BOC: variants seen among roughly 807,000 people sequenced by gnomAD.
BOC encodes the protein brother of CDO.
Under a neutral mutation model 112.0 loss-of-function variants are expected in BOC, and 76 were observed. The ratio of observed to expected loss-of-function variants is 0.68; its 90% CI spans 0.56 to 0.82. The LOEUF (loss-of-function observed/expected upper bound fraction) is 0.82. Among genes scored for constraint, BOC ranks in the 40% least tolerant of loss-of-function variants. BOC has a pLI of 0.00. For synonymous variants in BOC, 580 were observed against 599.8 expected, an observed-to-expected ratio of 0.97 and a Z score of 0.48; for missense variants, 1,309 against 1,511.7, an observed-to-expected ratio of 0.87 and a Z score of 2.22.
At chr3:113,284,956 T>C in intron 18 of BOC, 98 bp downstream of exon 18, 1 of 1,119,816 alleles carries the variant, frequency 8.9e-7, no homozygotes, top group Non-Finnish European at 1.3e-6. Context: ...CAAGCAGTAG[T>C]GCTGTACTCA....
At chr3:113,262,168 A>G (rs750510373) in intron 4 of BOC, among the ~76,000 whole-genome samples, 9 of 152,186 alleles carry the variant, frequency 5.9e-5, no homozygotes, top group African/African-American at 9.7e-5. Context: ...GACAGCAAAC[A>G]TATTTATCCA....
chr3:113,268,381 T>C lies in BOC; in HGVS notation c.459T>C (p.Pro153=), dbSNP rs1369304594. ...CAGCAGTCATTGCCTGCCACCTGCC[T>C]GAGAGCCACCCCAAAGCCCAGGTCC... The part of the protein sequence containing the change: ...GNTAVIACHL[P]ESHPKAQVRY... Residue 153 remains proline, a synonymous_variant, in exon 5 of 20, where the codon CCT becomes CCC. Coordinates refer to ENST00000682979, the MANE Select transcript of BOC (RefSeq NM_001378074.1). 2 of 1,613,998 alleles carry C rather than the reference T, an allele frequency of 1.2e-6. No homozygotes were observed. The highest frequency in any genetic ancestry group is 1.3e-5 in the African/African-American group (1 of 74,934).
Position 113,272,515 on chromosome 3 carries a change from C to T in BOC, c.773C>T (p.Pro258Leu), listed in dbSNP as rs1948228143. Residue 258 changes from proline to leucine, a missense_variant, in exon 7 of 20, where the codon CCA becomes CTA. By Grantham distance (98) the Pro-to-Leu change is moderately conservative. Transcript: ENST00000682979. ...CTGGAGTGTGTGGCCAGTGGAATCC[C>T]ACCCCCACGGGTCACCTGGGCCAAG... ...LILECVASGI[P>L]PPRVTWAKDG... The T allele has an allele frequency of 6.2e-7, 1 of 1,613,968 alleles. No individual in the cohort carries two copies. The highest frequency in any genetic ancestry group is 1.3e-5 in the African/African-American group (1 of 74,892).
At chr3:113,218,895 G>T (rs964717053) in intron 2 of BOC, among the ~76,000 whole-genome samples, 4 of 152,198 alleles carry the variant, frequency 2.6e-5, no homozygotes, top group Non-Finnish European at 5.9e-5. Flanking sequence ...GAGAAGGGGG[G>T]TGGGGGAGCT....
chr3:113,232,108 C>A (rs555225242), intron 2 of BOC, among the ~76,000 whole-genome samples: 4 of 152,262 alleles, frequency 2.6e-5, no homozygotes, highest in South Asian at 2.1e-4. Flanking sequence ...ATCCCCACCC[C>A]CTCTGCTCCT....
chr3:113,284,902 A>C (rs763024106), intron 18 of BOC, 44 bp downstream of exon 18: 2 of 1,568,148 alleles, frequency 1.3e-6, no homozygotes, highest in Admixed American at 1.7e-5. Context: ...CCACAGCCTC[A>C]CTTTCCCTTT....
intron 4 of BOC, among the ~76,000 whole-genome samples, chr3:113,266,738 A>G (rs1284431878): frequency 6.6e-6 from 1 of 152,222 alleles, no homozygotes; most frequent in Non-Finnish European, 1.5e-5. Context: ...GACAGGAACA[A>G]AACTCGGTCC....
chr3:113,279,381 TG>T lies in BOC; in HGVS notation c.1952del (p.Gly651GlufsTer22). 1 of 1,614,090 alleles carries T rather than the reference TG, an allele frequency of 6.2e-7. No homozygotes were observed. Among genetic ancestry groups the T allele is most frequent in the Non-Finnish European group, 8.5e-7 (1 of 1,180,022 alleles). ...FRVEYKKLKK[V>X]GDWILATSAI... is the part of the protein sequence containing the mutation. ...GTGGAGTACAAGAAGCTAAAGAAAG[TG>T]GGAGACTGGATTCTGGCCACCAGCG... On this transcript the variant is annotated frameshift_variant, in exon 12 of 20. Transcript: ENST00000682979. LOFTEE classifies it high-confidence loss of function.
intron 4 of BOC, among the ~76,000 whole-genome samples, chr3:113,257,230 G>T (rs1946325250): frequency 6.6e-6 from 1 of 152,180 alleles, no homozygotes; most frequent in Non-Finnish European, 1.5e-5. Context: ...CAGGACAATG[G>T]TTATTCCTTA....
intron 2 of BOC, among the ~76,000 whole-genome samples, chr3:113,223,645 C>A (rs1941145538): frequency 6.6e-6 from 1 of 152,184 alleles, no homozygotes; most frequent in Non-Finnish European, 1.5e-5. Flanking sequence ...AACCGCTGAT[C>A]TACTATTGTC....
At chr3:113,275,380 G>A (rs1948555750) in intron 9 of BOC, among the ~76,000 whole-genome samples, 1 of 152,210 alleles carries the variant, frequency 6.6e-6, no homozygotes, top group South Asian at 2.1e-4. Context: ...CCAGGCCTAT[G>A]CTCCTGGACA....
intron 2 of BOC, among the ~76,000 whole-genome samples, chr3:113,239,063 G>T (rs1449429242): frequency 1.3e-5 from 2 of 152,198 alleles, no homozygotes; most frequent in Non-Finnish European, 2.9e-5. Context: ...TAAATTGAAT[G>T]TGCAGTAAAT....
chr3:113,228,421 C>A (rs931077817), intron 2 of BOC, among the ~76,000 whole-genome samples: 4 of 151,992 alleles, frequency 2.6e-5, no homozygotes, highest in Admixed American at 2.6e-4. Flanking sequence ...GAGACTGGGG[C>A]AGAACTGCTC....
At chr3:113,277,792 G>A (rs1948803944) in intron 9 of BOC, among the ~76,000 whole-genome samples, 1 of 152,238 alleles carries the variant, frequency 6.6e-6, no homozygotes, top group Non-Finnish European at 1.5e-5. Flanking sequence ...GAAATACAGG[G>A]AGAGAAGGTC....
At position 113,217,854 on chromosome 3, in the gene BOC, C is replaced by G. The variant is rs1451692241; in HGVS notation, c.-82+1580C>G. The stretch of plus-strand genomic sequence containing the variant: ...AATCTGGGTCTTAAGTTCCTAAAAC[C>G]AATTATTGAGTGGCTTTCGGGGAGA... On this transcript the variant is annotated intron_variant, in intron 2 of 19. Coordinates refer to ENST00000682979, the MANE Select transcript of BOC (RefSeq NM_001378074.1). Among the ~76,000 whole-genome samples the G allele has an allele frequency of 2.6e-5, 4 of 152,034 alleles. No homozygotes were observed. In the South Asian group the frequency reaches 8.3e-4, roughly 32 times the overall value.
chr3:113,225,705 A>G (rs1375254682), intron 2 of BOC, among the ~76,000 whole-genome samples: 2 of 152,242 alleles, frequency 1.3e-5, no homozygotes, highest in Admixed American at 6.5e-5. Flanking sequence ...AGAAAGAAGT[A>G]CACTCTACCA....
chr3:113,234,578 T>C (rs902340845), intron 2 of BOC, among the ~76,000 whole-genome samples: 3 of 152,224 alleles, frequency 2.0e-5, no homozygotes, highest in African/African-American at 7.2e-5. Flanking sequence ...GGTCCTAAGC[T>C]CATTGAAGAC....
At chr3:113,268,733 A>T (rs1947793001) in intron 5 of BOC, among the ~76,000 whole-genome samples, 1 of 152,192 alleles carries the variant, frequency 6.6e-6, no homozygotes, top group South Asian at 2.1e-4. Context: ...CAACCATCTG[A>T]GTAGCTAGGA....
At chr3:113,223,431 G>T (rs1576328872) in intron 2 of BOC, among the ~76,000 whole-genome samples, 1 of 152,086 alleles carries the variant, frequency 6.6e-6, no homozygotes, top group South Asian at 2.1e-4. Context: ...TCCCATTGAT[G>T]AGCCAATACT....
Sources: gnomAD v4.1 joint callset for allele counts (sites outside exome capture counted in the v4.1 genomes callset) on GRCh38, gnomAD v4.1.1 for gene constraint, MANE v1.5 for transcripts, NCBI Gene and HGNC (gene_info 2026-07-23, HGNC 2026-07-21) for gene names.